Variants in PEX14 observed in about 807,000 individuals in gnomAD.
The protein encoded by PEX14 is peroxisomal biogenesis factor 14, also known as peroxisomal membrane protein PEX14.
Under a neutral mutation model 49.5 loss-of-function variants are expected in PEX14, and 15 were observed. The ratio of observed to expected loss-of-function variants is 0.30; its 90% CI spans 0.20 to 0.47. PEX14 has a LOEUF of 0.47. Ranked by LOEUF, PEX14 falls within the 20% of genes least tolerant of loss-of-function variation. The pLI is 1.00. For missense variants in PEX14, 398 were observed against 494.8 expected (o/e 0.80, Z 1.86); for synonymous variants, 210 against 212.7 (o/e 0.99, Z 0.11).
At chr1:10,566,663 G>T (rs998040571) in intron 3 of PEX14, among the ~76,000 whole-genome samples, 4 of 151,642 alleles carry the variant, frequency 2.6e-5, no homozygotes, top group Non-Finnish European at 4.4e-5. Flanking sequence ...TAATTTTTTT[G>T]TTTGTTTGTT....
chr1:10,621,897 T>G (rs1641605773), intron 5 of PEX14, among the ~76,000 whole-genome samples: 1 of 152,014 alleles, frequency 6.6e-6, no homozygotes. Context: ...AATGGAGAAG[T>G]TTCCGTCCTC....
intron 2 of PEX14, among the ~76,000 whole-genome samples, chr1:10,508,270 G>A (rs970644984): frequency 2.0e-5 from 3 of 151,934 alleles, no homozygotes; most frequent in East Asian, 1.9e-4. Context: ...ACAGTGGTGC[G>A]ATCTCGGCTG....
chr1:10,580,647 G>A (rs1160457250), intron 3 of PEX14, among the ~76,000 whole-genome samples: 6 of 151,944 alleles, frequency 3.9e-5, no homozygotes, highest in African/African-American at 7.3e-5. Context: ...GTAACATGGT[G>A]TAATATTAAT....
chr1:10,553,175 C>T (rs1379740454), intron 3 of PEX14, among the ~76,000 whole-genome samples: 1 of 152,072 alleles, frequency 6.6e-6, no homozygotes, highest in Non-Finnish European at 1.5e-5. Flanking sequence ...GCAGTTATTA[C>T]GGGGATGGAG....
chr1:10,574,849 A>G (rs1202008638), intron 3 of PEX14, among the ~76,000 whole-genome samples: 1 of 152,160 alleles, frequency 6.6e-6, no homozygotes, highest in Non-Finnish European at 1.5e-5. Flanking sequence ...GGTGGCTCAC[A>G]CTAGTGATCC....
chr1:10,506,253 GT>G (rs1641780632), intron 2 of PEX14, among the ~76,000 whole-genome samples: 1 of 152,076 alleles, frequency 6.6e-6, no homozygotes, highest in Non-Finnish European at 1.5e-5. Context: ...TGAAGAGAGG[GT>G]TCTGCAAATA....
chr1:10,538,778 C>A (rs1638914324), intron 3 of PEX14, among the ~76,000 whole-genome samples: 1 of 152,196 alleles, frequency 6.6e-6, no homozygotes, highest in Non-Finnish European at 1.5e-5. Flanking sequence ...CCGTCTGGAC[C>A]AGGAGGGGCC....
chr1:10,511,395 T>G (rs1411781810), intron 2 of PEX14, among the ~76,000 whole-genome samples: 1 of 152,150 alleles, frequency 6.6e-6, no homozygotes, highest in African/African-American at 2.4e-5. Flanking sequence ...GTAGTTGAAG[T>G]GGTTTTTGCT....
chr1:10,569,785 A>G (rs532158740), intron 3 of PEX14, among the ~76,000 whole-genome samples: 41 of 152,140 alleles, frequency 2.7e-4, no homozygotes, highest in Non-Finnish European at 4.4e-4. Context: ...ATTGTTTTCT[A>G]CCTTTCTGTG....
intron 2 of PEX14, among the ~76,000 whole-genome samples, chr1:10,508,039 A>G (rs1025031976): frequency 2.0e-5 from 3 of 152,182 alleles, no homozygotes; most frequent in East Asian, 1.9e-4. Context: ...TGTTGGGAAT[A>G]CCACTGTCAT....
At chr1:10,560,138 A>G (rs560541015) in intron 3 of PEX14, among the ~76,000 whole-genome samples, 1 of 151,744 alleles carries the variant, frequency 6.6e-6, no homozygotes, top group South Asian at 2.1e-4. Context: ...GCTCACTGCA[A>G]TCTCTGCCTC....
intron 2 of PEX14, among the ~76,000 whole-genome samples, chr1:10,524,865 T>G (rs1638423246): frequency 6.6e-6 from 1 of 152,186 alleles, no homozygotes; most frequent in Non-Finnish European, 1.5e-5. Flanking sequence ...AAAACAAATT[T>G]TTTTTTGAAA....
At chr1:10,593,698 G>A (rs2124592786) in intron 3 of PEX14, among the ~76,000 whole-genome samples, 1 of 152,010 alleles carries the variant, frequency 6.6e-6, no homozygotes, top group Middle Eastern at 3.4e-3. Flanking sequence ...GGCTGGGGGA[G>A]GGGATAAGAA....
At chr1:10,479,206 G>A (rs1170883016) in intron 1 of PEX14, among the ~76,000 whole-genome samples, 1 of 151,942 alleles carries the variant, frequency 6.6e-6, no homozygotes, top group African/African-American at 2.4e-5. Context: ...GGGAGACCTC[G>A]TTCCTACTGA....
chr1:10,505,654 G>A (rs1445926352), intron 2 of PEX14, among the ~76,000 whole-genome samples: 1 of 150,588 alleles, frequency 6.6e-6, no homozygotes, highest in East Asian at 2.0e-4. Flanking sequence ...CAAGATTACA[G>A]GTGTGAGCCA....
At chr1:10,595,921 A>G (rs1349590636) in intron 3 of PEX14, among the ~76,000 whole-genome samples, 1 of 152,238 alleles carries the variant, frequency 6.6e-6, no homozygotes, top group Non-Finnish European at 1.5e-5. Flanking sequence ...TAATTCACTT[A>G]CAATTGGCAG....
chr1:10,503,666 T>C (rs1641728003), intron 2 of PEX14, among the ~76,000 whole-genome samples: 1 of 151,958 alleles, frequency 6.6e-6, no homozygotes, highest in African/African-American at 2.4e-5. Flanking sequence ...GTGTGAAAAC[T>C]GTTGACTGTT....
At chr1:10,549,909 T>C (rs2124508551) in intron 3 of PEX14, among the ~76,000 whole-genome samples, 1 of 152,262 alleles carries the variant, frequency 6.6e-6, no homozygotes. Flanking sequence ...AGTACCTTAT[T>C]TGGAAAGATT....
At chr1:10,475,696 C>T (rs1403540662) in intron 1 of PEX14, among the ~76,000 whole-genome samples, 2 of 152,142 alleles carry the variant, frequency 1.3e-5, no homozygotes, top group African/African-American at 2.4e-5. Context: ...TAAGGACCAG[C>T]GTTGACGCCT....
Sources: allele counts gnomAD v4.1 joint callset (sites outside exome capture counted in the v4.1 genomes callset), GRCh38; gene constraint gnomAD v4.1.1; transcripts MANE v1.5; gene names NCBI Gene and HGNC (gene_info 2026-07-23, HGNC 2026-07-21).